Variants in LIN9 observed in about 807,000 individuals in gnomAD.
LIN9 encodes lin-9 DREAM MuvB core complex component, also known as protein lin-9 homolog.
A neutral mutation model predicts 78.0 loss-of-function variants in LIN9; 18 were observed. The ratio of observed to expected loss-of-function variants is 0.23; its 90% CI spans 0.16 to 0.34. The LOEUF (loss-of-function observed/expected upper bound fraction) is 0.34, where lower values mean the gene tolerates loss of function less well. Among genes scored for constraint, LIN9 ranks in the 10% least tolerant of loss-of-function variants. The pLI is 1.00. For missense variants in LIN9, 451 were observed against 644.1 expected (o/e 0.70, Z 3.25); for synonymous variants, 192 against 215.2 (o/e 0.89, Z 0.94).
chr1:226,292,892 T>C (rs919853643), intron 4 of LIN9, among the ~76,000 whole-genome samples: 2 of 152,226 alleles, frequency 1.3e-5, no homozygotes. Context: ...GCAAGATACT[T>C]ATCTGTGTCT....
chr1:226,257,540 GTTA>G (rs958402079), intron 10 of LIN9, among the ~76,000 whole-genome samples: 11 of 152,004 alleles, frequency 7.2e-5, no homozygotes, highest in Non-Finnish European at 1.6e-4. Flanking sequence ...GGATTATTTT[GTTA>G]TTATCAGGTA....
chr1:226,276,631 A>G (rs1408059918), intron 7 of LIN9, among the ~76,000 whole-genome samples: 1 of 152,224 alleles, frequency 6.6e-6, no homozygotes, highest in Non-Finnish European at 1.5e-5. Flanking sequence ...ATAAATATGT[A>G]ACTCCAGGTT....
At chr1:226,292,042 C>T (rs907639117) in intron 4 of LIN9, among the ~76,000 whole-genome samples, 2 of 152,088 alleles carry the variant, frequency 1.3e-5, no homozygotes, top group East Asian at 3.8e-4. Flanking sequence ...CTTTCTACTA[C>T]ATTATTGACC....
chr1:226,252,729 T>C (rs1243986800), intron 10 of LIN9, among the ~76,000 whole-genome samples: 8 of 152,096 alleles, frequency 5.3e-5, no homozygotes, highest in Admixed American at 5.2e-4. Flanking sequence ...TCCCAGCACT[T>C]TGGGAGGCGG....
chr1:226,244,179 A>T (rs1267090448), intron 11 of LIN9, among the ~76,000 whole-genome samples: 1 of 150,048 alleles, frequency 6.7e-6, no homozygotes, highest in Non-Finnish European at 1.5e-5. Flanking sequence ...CCTGGCCTAA[A>T]AATTACTTTT....
At chr1:226,256,566 TA>T (rs1659206136) in intron 10 of LIN9, among the ~76,000 whole-genome samples, 2 of 150,480 alleles carry the variant, frequency 1.3e-5, no homozygotes, top group African/African-American at 4.9e-5. Context: ...TATATATATA[TA>T]TATTTTTTTG....
chr1:226,232,813 G>T, intron 14 of LIN9: 1 of 500,992 alleles, frequency 2.0e-6, no homozygotes, highest in East Asian at 3.2e-5. Flanking sequence ...CGGGGGGCTG[G>T]AAGGAGAAGA....
chr1:226,245,764 A>C (rs941723185), intron 11 of LIN9, among the ~76,000 whole-genome samples: 3 of 151,852 alleles, frequency 2.0e-5, no homozygotes, highest in Non-Finnish European at 4.4e-5. Context: ...CGCCTGGCTA[A>C]TTTTTGTATT....
intron 4 of LIN9, among the ~76,000 whole-genome samples, chr1:226,294,766 CCTAT>C (rs763059402): frequency 3.3e-5 from 5 of 151,816 alleles, no homozygotes; most frequent in African/African-American, 9.7e-5. Context: ...TTAATATTTC[CCTAT>C]CTAATTTTCA....
intron 6 of LIN9, among the ~76,000 whole-genome samples, chr1:226,280,675 T>C (rs2102953478): frequency 6.6e-6 from 1 of 152,228 alleles, no homozygotes; most frequent in South Asian, 2.1e-4. Context: ...CTTGAGAGGC[T>C]GAGGCAGGAG....
intron 11 of LIN9, among the ~76,000 whole-genome samples, chr1:226,250,357 C>T (rs1439278430): frequency 6.6e-6 from 1 of 152,142 alleles, no homozygotes; most frequent in Non-Finnish European, 1.5e-5. Flanking sequence ...CTTCCTTGGT[C>T]ACAGGTATCT....
In LIN9 at chr1:226,265,732, T is replaced by C; in HGVS notation, c.937-98A>G. ...TTTTTTAGACGGAGTCTCGCTCTGT[T>C]GCCACTTGTGATCTCGGCTCACTGC... On this transcript the variant is annotated intron_variant, in intron 9 of 14. Coordinates refer to ENST00000681046, the MANE Select transcript of LIN9 (RefSeq NM_001366245.2). This position sits in a 1 kb window ranked among gnomAD's most constrained non-coding sequence, Gnocchi z 4.1. The C allele has an allele frequency of 3.2e-6, 2 of 622,342 alleles. No homozygotes were observed. The highest frequency in any genetic ancestry group is 5.5e-6 in the Non-Finnish European group (2 of 366,598). 38.6% of individuals were successfully genotyped at this position (622,342 alleles called of 1,614,324 possible).
chr1:226,307,544 G>A (rs943498612), intron 1 of LIN9, among the ~76,000 whole-genome samples: 1 of 152,328 alleles, frequency 6.6e-6, no homozygotes, highest in Middle Eastern at 3.4e-3. Flanking sequence ...GCTGAGGTAG[G>A]AGAATCGCTT....
chr1:226,235,425 G>C (rs1480559743), intron 12 of LIN9, among the ~76,000 whole-genome samples: 1 of 150,544 alleles, frequency 6.6e-6, no homozygotes, highest in African/African-American at 2.4e-5. Context: ...TTTTGGTTCA[G>C]ACTAAAGGTA....
intron 4 of LIN9, among the ~76,000 whole-genome samples, chr1:226,292,795 G>A (rs1482839120): frequency 6.6e-6 from 1 of 152,100 alleles, no homozygotes; most frequent in Non-Finnish European, 1.5e-5. Flanking sequence ...TCTCAACAAA[G>A]CTGGTTTTTT....
chr1:226,274,988 C>T (rs1660547732), intron 7 of LIN9, among the ~76,000 whole-genome samples: 1 of 152,044 alleles, frequency 6.6e-6, no homozygotes, highest in South Asian at 2.1e-4. Flanking sequence ...CTATTGATGG[C>T]TTTTTTATTG....
At chr1:226,278,843 C>T (rs1275183540) in intron 6 of LIN9, among the ~76,000 whole-genome samples, 14 of 150,310 alleles carry the variant, frequency 9.3e-5, no homozygotes, top group African/African-American at 2.7e-4. Context: ...AAAGAAAGGC[C>T]GGGCGCGGTG....
Position 226,266,273 on chromosome 1 carries a change from A to G in LIN9, c.876T>C (p.Ser292=), listed in dbSNP as rs1400782302. ...IAAFGQKQRP[S]RFFMTPPRLH... ...ACCGTGGTGGGGTCATAAAAAATCG[A>G]GAAGGCCGCTGTTTTTGTCCAAAGG... is the stretch of plus-strand genomic sequence containing the variant. Residue 292 remains serine (S), a synonymous_variant, in exon 9 of 15, where the codon TCT becomes TCC. Transcript: ENST00000681046. The G allele has an allele frequency of 6.2e-6, 10 of 1,602,506 alleles. No homozygotes were observed. The South Asian group carries it at 1.1e-4, about 18-fold the overall frequency.
At chr1:226,269,578 C>T (rs185838789) in intron 7 of LIN9, among the ~76,000 whole-genome samples, 3 of 152,258 alleles carry the variant, frequency 2.0e-5, no homozygotes, top group South Asian at 2.1e-4. Flanking sequence ...CTACCACCAA[C>T]GTGGTCGATG....
Sources: allele counts gnomAD v4.1 joint callset (sites outside exome capture counted in the v4.1 genomes callset), GRCh38; gene constraint gnomAD v4.1.1; non-coding constraint Gnocchi (gnomAD v3.1); transcripts MANE v1.5; gene names NCBI Gene and HGNC (gene_info 2026-07-23, HGNC 2026-07-21).